CFAP92: variants seen among roughly 807,000 people sequenced by gnomAD.
CFAP92 encodes uncharacterized protein CFAP92.
A neutral mutation model predicts 106.3 loss-of-function variants in CFAP92; 86 were observed. That is an observed-to-expected ratio of 0.81 (90% CI 0.68 to 0.97). The LOEUF (loss-of-function observed/expected upper bound fraction) is 0.97, where lower values mean the gene tolerates loss of function less well. Ranked by LOEUF, CFAP92 falls within the 50% of genes least tolerant of loss-of-function variation. The probability of loss-of-function intolerance (pLI) is 0.00; values close to 1 mark genes in which losing one functional copy is unlikely to be tolerated. For missense variants in CFAP92, 1,204 were observed against 1,283.8 expected (o/e 0.94, Z 0.95); for synonymous variants, 477 against 506.4 (o/e 0.94, Z 0.78).
chr3:128,922,407 A>G (rs1467204706), intron 12 of CFAP92, among the ~76,000 whole-genome samples: 1 of 152,218 alleles, frequency 6.6e-6, no homozygotes, highest in Non-Finnish European at 1.5e-5. Context: ...CCCAGGAGAA[A>G]GAATTGCTTA....
rs552216535 is a variant in CFAP92, at chr3:128,991,736, C to T, written c.262+1307G>A. The stretch of plus-strand genomic sequence containing the variant: ...AACAGCATGTTGCTCCACACCGCCT[C>T]GTGTTGTCTGTTGGTGCGCTCTCGG... On this transcript the variant is annotated intron_variant, in intron 2 of 15. Coordinates refer to ENST00000645291, the MANE Select transcript of CFAP92 (RefSeq NM_001394090.1). 7 of 1,018,038 alleles carry T rather than the reference C, an allele frequency of 6.9e-6. No individual in the cohort carries two copies. In the African/African-American group the frequency reaches 8.7e-5, roughly 13 times the overall value. The allele number at this position is 1,018,038 out of a possible 1,614,324, so 63.1% of individuals were successfully genotyped here. A position where few individuals can be genotyped will look rare whatever the true frequency, so the allele number is the denominator to read the frequency against.
upstream of CFAP92, among the ~76,000 whole-genome samples, chr3:128,997,109 A>G (rs1481016428): frequency 6.6e-6 from 1 of 152,184 alleles, no homozygotes; most frequent in East Asian, 1.9e-4. Flanking sequence ...AAGCAGAGGG[A>G]CAAGCATCCA....
At chr3:128,921,067 C>T (rs190548028) in intron 12 of CFAP92, among the ~76,000 whole-genome samples, 132 of 152,264 alleles carry the variant, frequency 8.7e-4, no homozygotes, top group African/African-American at 3.0e-3. Context: ...TTCCAGAGCT[C>T]GGGGCCTTCA....
intron 12 of CFAP92, among the ~76,000 whole-genome samples, chr3:128,928,330 A>G (rs1160130639): frequency 6.6e-6 from 1 of 152,236 alleles, no homozygotes; most frequent in Non-Finnish European, 1.5e-5. Context: ...ATCTTAAAAT[A>G]TATGTGGAAA....
chr3:128,970,490 GTC>G (rs1942706957), intron 8 of CFAP92: 1 of 151,214 alleles, frequency 6.6e-6, no homozygotes, highest in Admixed American at 6.6e-5. Flanking sequence ...AACGAACAAA[GTC>G]TGAATTTTCT....
At chr3:128,933,324 G>A (rs760982731) in intron 11 of CFAP92, among the ~76,000 whole-genome samples, 7 of 152,204 alleles carry the variant, frequency 4.6e-5, no homozygotes, top group Non-Finnish European at 8.8e-5. Context: ...CATCAGGGAT[G>A]TAGAGCACAG....
chr3:128,996,833 G>A (rs1428013827), upstream of CFAP92, among the ~76,000 whole-genome samples: 2 of 152,180 alleles, frequency 1.3e-5, no homozygotes, highest in African/African-American at 2.4e-5. Flanking sequence ...TCGTGGGCCC[G>A]CTGGTTCCCC....
At chr3:128,977,150 T>C in intron 5 of CFAP92, 84 bp from the exon 6 acceptor site, 2 of 1,029,504 alleles carry the variant, frequency 1.9e-6, no homozygotes, top group East Asian at 4.9e-5. Flanking sequence ...ATTTCTGTAA[T>C]GTCAGTCTCT....
At chr3:129,002,628 A>C in exon 1 of CFAP92, 1 of 438,638 alleles carries the variant, frequency 2.3e-6, no homozygotes, top group Non-Finnish European at 4.0e-6. Flanking sequence ...TAACCTAGGA[A>C]TTGCACCTGT....
chr3:128,924,387 T>C lies in CFAP92; in HGVS notation c.2752-8116A>G, dbSNP rs531510091. Among the ~76,000 whole-genome samples the C allele has an allele frequency of 2.4e-3, 349 of 147,672 alleles. 2 individuals are homozygous for C. The highest frequency in any genetic ancestry group is 4.4e-3 in the Non-Finnish European group (296 of 66,714). On this transcript the variant is annotated intron_variant, in intron 12 of 15. Transcript: ENST00000645291. ...GCCTCTGGAATGTGTCTAGACTTGC[T>C]GGCTCCTTCCTTCTAGCACTCCCAG...
chr3:129,002,187 T>C lies in CFAP92; in HGVS notation n.117+387A>G, dbSNP rs1350584658. ...TCCGCGCCGCCGCCGCCGCCCGCCC[T>C]GCGCGCCTGGCCCCGACAGCGGTCC... On this transcript the variant is annotated intron_variant and non_coding_transcript_variant, in intron 1 of 4. Coordinates refer to the CFAP92 transcript ENST00000510149. 6.7e-6 allele frequency: 10 copies of C among 1,497,558 alleles called. No homozygotes were observed. Among genetic ancestry groups the C allele is most frequent in the Middle Eastern group, 3.9e-4 (2 of 5,138 alleles). 92.8% of individuals were successfully genotyped at this position (1,497,558 alleles called of 1,614,324 possible).
chr3:128,975,448 GA>G lies in CFAP92; in HGVS notation c.1021+330del, dbSNP rs1184326838. Among the ~76,000 whole-genome samples the G allele has an allele frequency of 1.1e-3, 159 of 146,116 alleles. 1 individual carries two copies. Among genetic ancestry groups the G allele is most frequent in the African/African-American group, 4.3e-3 (156 of 36,080 alleles). ...ATAGGGATGGATGGATGGATGGATGGATGGATGGATGGATGGATGGATGAAT... is the reference window on the plus strand; with the variant it reads ...ATAGGGATGGATGGATGGATGGATGGTGGATGGATGGATGGATGGATGAAT... On this transcript the variant is annotated intron_variant, in intron 7 of 15. Coordinates refer to ENST00000645291, the MANE Select transcript of CFAP92 (RefSeq NM_001394090.1).
At chr3:128,941,440 C>G (rs1258412037) in intron 10 of CFAP92, among the ~76,000 whole-genome samples, 4 of 152,004 alleles carry the variant, frequency 2.6e-5, no homozygotes, top group Non-Finnish European at 2.9e-5. Context: ...TATACATTTT[C>G]TTCTGACTAA....
rs1311385422 is a variant in CFAP92 at position 128,965,675 on chromosome 3, G to A, written c.1189C>T (p.Arg397Cys). The A allele has an allele frequency of 1.0e-5, 4 of 398,718 alleles. No individual in the cohort carries two copies. Among genetic ancestry groups the A allele is most frequent in the East Asian group, 3.6e-5 (1 of 28,080 alleles). 24.7% of individuals were successfully genotyped at this position (398,718 alleles called of 1,614,324 possible). A position where few individuals can be genotyped will look rare whatever the true frequency, so the allele number is the denominator to read the frequency against. The change falls in exon 9 of 16, where the codon CGT becomes TGT. Residue 397 changes from arginine (R) to cysteine (C), a missense_variant. By Grantham distance (180) the Arg-to-Cys change is radical. Transcript: ENST00000645291. ...ATGTTGGCAGACTTCTCACTGCCACGACTCACGACAGTTTGCCATCCTGGG... is the reference window on the plus strand; with the variant it reads ...ATGTTGGCAGACTTCTCACTGCCACAACTCACGACAGTTTGCCATCCTGGG... ...LLAGWQTVVS[R>C]GSEKSANILD...
At chr3:128,979,447 T>C (rs1330274445) in intron 4 of CFAP92, among the ~76,000 whole-genome samples, 1 of 152,178 alleles carries the variant, frequency 6.6e-6, no homozygotes, top group African/African-American at 2.4e-5. Flanking sequence ...CATTACTGGG[T>C]ATATACCCAA....
chr3:128,972,636 G>A (rs112738626), intron 7 of CFAP92, among the ~76,000 whole-genome samples: 55,395 of 150,678 alleles, frequency 0.37, 12,095 homozygotes, highest in African/African-American at 0.62. Context: ...CAAGTGGATC[G>A]CCTGAGGTCA....
intron 7 of CFAP92, among the ~76,000 whole-genome samples, chr3:128,973,414 T>C (rs1576587457): frequency 6.6e-6 from 1 of 152,022 alleles, no homozygotes; most frequent in South Asian, 2.1e-4. Context: ...CCCAGCACTT[T>C]GGGAGGCCGA....
chr3:128,923,596 T>C (rs919893893), intron 12 of CFAP92, among the ~76,000 whole-genome samples: 4 of 152,166 alleles, frequency 2.6e-5, no homozygotes, highest in Non-Finnish European at 4.4e-5. Context: ...GGGGGAAATA[T>C]GTAAGAAGCA....
intron 4 of CFAP92, among the ~76,000 whole-genome samples, chr3:128,983,117 C>T (rs1943633443): frequency 6.6e-6 from 1 of 152,204 alleles, no homozygotes; most frequent in Non-Finnish European, 1.5e-5. Context: ...TAAGGCAAAG[C>T]ATTATCAACC....
Sources: gnomAD v4.1 joint callset for allele counts (sites outside exome capture counted in the v4.1 genomes callset) on GRCh38, gnomAD v4.1.1 for gene constraint, MANE v1.5 for transcripts, NCBI Gene and HGNC (gene_info 2026-07-23, HGNC 2026-07-21) for gene names.